The following UBAP2 variants were observed in gnomAD, a reference collection of about 807,000 sequenced individuals.
UBAP2 encodes the protein ubiquitin-associated protein 2.
In UBAP2, 75 loss-of-function variants were observed where a neutral mutation model predicts 139.6. The ratio of observed to expected loss-of-function variants is 0.54; its 90% CI spans 0.45 to 0.65. The LOEUF is 0.65. Among genes scored for constraint, UBAP2 ranks in the 30% least tolerant of loss-of-function variants. The pLI is 0.00. For missense variants in UBAP2, 1,368 were observed against 1,369.6 expected (o/e 1.00, Z 0.02); for synonymous variants, 526 against 526.2 (o/e 1.00, Z 0.01).
chr9:33,954,269 T>TACACACACAAACAC (rs1826357871), intron 11 of UBAP2, among the ~76,000 whole-genome samples: 1 of 139,810 alleles, frequency 7.2e-6, no homozygotes, highest in Non-Finnish European at 1.5e-5. Flanking sequence ...TGTGTGTATA[T>TACACACACAAACAC]ACACACACAC....
chr9:33,988,308 T>C (rs575531346), intron 5 of UBAP2, among the ~76,000 whole-genome samples: 1 of 152,196 alleles, frequency 6.6e-6, no homozygotes, highest in Non-Finnish European at 1.5e-5. Context: ...CAGTGGAATA[T>C]ATGAGACAGC....
intron 2 of UBAP2, among the ~76,000 whole-genome samples, chr9:34,013,274 C>T (rs1376908630): frequency 6.6e-6 from 1 of 151,962 alleles, no homozygotes; most frequent in Non-Finnish European, 1.5e-5. Flanking sequence ...TCACCACCTG[C>T]TGCAGTGGCT....
chr9:33,969,326 T>C (rs1034434171), intron 8 of UBAP2, among the ~76,000 whole-genome samples: 2 of 152,052 alleles, frequency 1.3e-5, no homozygotes, highest in African/African-American at 4.8e-5. Context: ...GGTGGGAGGA[T>C]CTTTGAAGCC....
At chr9:33,965,302 TTTC>T (rs1463075308) in intron 8 of UBAP2, among the ~76,000 whole-genome samples, 1 of 152,194 alleles carries the variant, frequency 6.6e-6, no homozygotes, top group Non-Finnish European at 1.5e-5. Flanking sequence ...AGGGGGTTGT[TTTC>T]TTATTACTGA....
intron 6 of UBAP2, among the ~76,000 whole-genome samples, chr9:33,980,220 C>CTTTTTTT (rs1173781682): frequency 0.011 from 545 of 49,158 alleles, 141 homozygotes; most frequent in East Asian, 0.038. Context: ...AGTGTCATTT[C>CTTTTTTT]TTTTTTTTTT....
At chr9:33,948,334 G>A (rs201752397) in intron 13 of UBAP2, 40 bp downstream of exon 13, 44 of 1,513,792 alleles carry the variant, frequency 2.9e-5, no homozygotes, top group Admixed American at 5.7e-5. Context: ...AGCTTGAAAC[G>A]TCCTCAGTAG....
intron 19 of UBAP2, 179 bp from the exon 20 acceptor site, chr9:33,928,171 T>C: frequency 3.4e-6 from 2 of 581,138 alleles, no homozygotes; most frequent in South Asian, 2.5e-5. Context: ...GCCCCTCACA[T>C]AGCAGCTGGT....
chr9:33,992,683 A>C (rs1388135005), intron 4 of UBAP2, among the ~76,000 whole-genome samples: 1 of 152,122 alleles, frequency 6.6e-6, no homozygotes, highest in African/African-American at 2.4e-5. Context: ...AATAGGGAAA[A>C]GAACCTTTAA....
In UBAP2 at chr9:33,941,639, T is replaced by C. The variant is rs749948639; in HGVS notation, c.1929+10A>G. 3.1e-6 allele frequency: 5 copies of C among 1,611,816 alleles called. No individual in the cohort carries two copies. Among genetic ancestry groups the C allele is most frequent in the Non-Finnish European group, 2.5e-6 (3 of 1,178,144 alleles). On this transcript the variant is annotated intron_variant, in intron 16 of 28. Coordinates refer to ENST00000379238, the MANE Select transcript of UBAP2 (RefSeq NM_001370062.2). ...ACATCTTCTGAGAAAAAAACTAAAA[T>C]ACCACTTACCATGATGGTTCCTGGA...
In UBAP2 at chr9:33,971,701, G is replaced by A; in HGVS notation, c.629C>T (p.Thr210Ile). 6.2e-7 allele frequency: 1 copy of A among 1,612,954 alleles called. No individual in the cohort carries two copies. The highest frequency in any genetic ancestry group is 8.5e-7 in the Non-Finnish European group (1 of 1,178,950). ...AGCAGCTTCCCAAACTACTAGCTTTGTCCCACACACATCTGTAGATGTAGA... is the reference window on the plus strand; with the variant it reads ...AGCAGCTTCCCAAACTACTAGCTTTATCCCACACACATCTGTAGATGTAGA... ...SDSTSTDVCG[T>I]KLVVWEAAQN... The change falls in exon 8 of 29, where the codon ACA (threonine) becomes ATA (isoleucine). Residue 210 changes from threonine (T) to isoleucine (I), a missense_variant. By Grantham distance (89) the Thr-to-Ile change is moderately conservative. Coordinates refer to ENST00000379238, the MANE Select transcript of UBAP2 (RefSeq NM_001370062.2).
chr9:33,989,187 A>G, intron 4 of UBAP2, 61 bp from the exon 5 acceptor site: 1 of 1,478,620 alleles, frequency 6.8e-7, no homozygotes, highest in Non-Finnish European at 9.0e-7. Flanking sequence ...TATCAAAGGC[A>G]CATGCATGTA....
At chr9:34,011,114 G>C (rs1047072162) in intron 2 of UBAP2, among the ~76,000 whole-genome samples, 2 of 152,094 alleles carry the variant, frequency 1.3e-5, no homozygotes, top group Non-Finnish European at 2.9e-5. Flanking sequence ...ACAAGCACTT[G>C]ATGGGTGAAA....
intron 15 of UBAP2, among the ~76,000 whole-genome samples, chr9:33,942,719 C>A (rs887025071): frequency 7.1e-6 from 1 of 140,320 alleles, no homozygotes; most frequent in Non-Finnish European, 1.5e-5. Context: ...CAGAGCAAGA[C>A]CCTATCTCAA....
intron 1 of UBAP2, among the ~76,000 whole-genome samples, chr9:34,042,328 A>AT (rs1827168823): frequency 6.6e-6 from 1 of 151,648 alleles, no homozygotes; most frequent in Admixed American, 6.6e-5. Flanking sequence ...AATACAAAAA[A>AT]TTAGCCAGGC....
chr9:34,035,756 C>T (rs903001308), intron 1 of UBAP2, among the ~76,000 whole-genome samples: 2 of 151,736 alleles, frequency 1.3e-5, no homozygotes, highest in African/African-American at 4.8e-5. Context: ...CCATCAACTC[C>T]TCAATAAAAT....
intron 16 of UBAP2, 151 bp downstream of exon 16, chr9:33,941,498 C>G: frequency 1.4e-6 from 1 of 694,476 alleles, no homozygotes; most frequent in Non-Finnish European, 2.4e-6. Context: ...GAGATGCCCA[C>G]TATAAACAAA....
At chr9:33,968,626 T>C (rs973964296) in intron 8 of UBAP2, 1 of 278,854 alleles carries the variant, frequency 3.6e-6, no homozygotes, top group African/African-American at 2.2e-5. Context: ...ACTGAAATAA[T>C]CATACGGATT....
At chr9:33,976,823 C>T (rs1191878878) in intron 6 of UBAP2, among the ~76,000 whole-genome samples, 2 of 150,050 alleles carry the variant, frequency 1.3e-5, no homozygotes, top group Non-Finnish European at 3.0e-5. Flanking sequence ...ATGGTGAAAT[C>T]CCATCTCTAC....
chr9:34,029,490 C>T (rs911846350), intron 1 of UBAP2, among the ~76,000 whole-genome samples: 11 of 150,536 alleles, frequency 7.3e-5, no homozygotes, highest in Non-Finnish European at 1.2e-4. Context: ...GATTATGCCA[C>T]GGCACTCCAG....
Sources: gnomAD v4.1 joint callset for allele counts (sites outside exome capture counted in the v4.1 genomes callset) on GRCh38, gnomAD v4.1.1 for gene constraint, MANE v1.5 for transcripts, NCBI Gene and HGNC (gene_info 2026-07-23, HGNC 2026-07-21) for gene names.